The following AGBL1 variants were observed in gnomAD, a reference collection of about 807,000 sequenced individuals.
AGBL1 encodes the protein cytosolic carboxypeptidase 4.
In AGBL1, 130 loss-of-function variants were observed where a neutral mutation model predicts 118.9. The observed-to-expected ratio is 1.09, with a 90% confidence interval of 0.95 to 1.26. The LOEUF (loss-of-function observed/expected upper bound fraction) is 1.26. Ranked by LOEUF, AGBL1 falls within the 50% of genes most tolerant of loss-of-function variation. The probability of loss-of-function intolerance (pLI) is 0.00; values close to 1 mark genes in which losing one functional copy is unlikely to be tolerated. For missense variants in AGBL1, 1,584 were observed against 1,298.1 expected, an observed-to-expected ratio of 1.22 and a Z score of -3.38; for synonymous variants, 555 against 478.9, an observed-to-expected ratio of 1.16 and a Z score of -2.08.
intron 24 of AGBL1, among the ~76,000 whole-genome samples, chr15:86,988,677 A>G (rs917824908): frequency 2.0e-5 from 3 of 152,216 alleles, no homozygotes; most frequent in African/African-American, 7.2e-5. Flanking sequence ...TGGCAATGCA[A>G]ATAGTATGTT....
At chr15:86,802,576 T>C (rs944245391) in intron 22 of AGBL1, among the ~76,000 whole-genome samples, 8 of 152,180 alleles carry the variant, frequency 5.3e-5, no homozygotes, top group African/African-American at 9.7e-5. Context: ...GTAGTAAATA[T>C]GTTAACACGT....
At chr15:86,929,345 T>C (rs1012565879) in intron 23 of AGBL1, among the ~76,000 whole-genome samples, 1 of 152,192 alleles carries the variant, frequency 6.6e-6, no homozygotes, top group African/African-American at 2.4e-5. Context: ...ACTATCAACA[T>C]GATTATCAAG....
At chr15:86,163,962 AGCTCTATT>A (rs2077302431) in intron 5 of AGBL1, among the ~76,000 whole-genome samples, 1 of 152,178 alleles carries the variant, frequency 6.6e-6, no homozygotes, top group Admixed American at 6.5e-5. Flanking sequence ...ACCTCCCAAG[AGCTCTATT>A]GCATGAGGGA....
intron 7 of AGBL1, among the ~76,000 whole-genome samples, chr15:86,255,783 A>C (rs992051902): frequency 3.9e-5 from 6 of 152,202 alleles, no homozygotes; most frequent in African/African-American, 1.2e-4. Flanking sequence ...CTGTCTAAAA[A>C]AAAAAGAAAG....
chr15:86,107,819 A>C (rs1448076585), intron 1 of AGBL1, among the ~76,000 whole-genome samples: 1 of 152,250 alleles, frequency 6.6e-6, no homozygotes, highest in Non-Finnish European at 1.5e-5. Context: ...AGGGATCTCT[A>C]GGAACAGACT....
chr15:86,201,744 T>C (rs1555447263), intron 5 of AGBL1, among the ~76,000 whole-genome samples: 1 of 152,180 alleles, frequency 6.6e-6, no homozygotes, highest in Admixed American at 6.5e-5. Flanking sequence ...CCCTTGGGAA[T>C]CTAGGGCATC....
chr15:86,761,408 T>A (rs2078022148), intron 22 of AGBL1, among the ~76,000 whole-genome samples: 1 of 152,066 alleles, frequency 6.6e-6, no homozygotes. Context: ...CAGATCTAAG[T>A]TCTGTAGGTC....
chr15:86,176,414 G>A (rs756143906), intron 5 of AGBL1, among the ~76,000 whole-genome samples: 2 of 152,218 alleles, frequency 1.3e-5, no homozygotes, highest in African/African-American at 2.4e-5. Context: ...GGGATGCAAG[G>A]TTGCTGTCAG....
chr15:86,276,928 T>C (rs2079261780), intron 15 of AGBL1, among the ~76,000 whole-genome samples: 1 of 152,126 alleles, frequency 6.6e-6, no homozygotes, highest in Admixed American at 6.6e-5. Context: ...ACATTTGGCT[T>C]TGAAGGTCCT....
chr15:86,433,993 G>A (rs2081971099), intron 18 of AGBL1, among the ~76,000 whole-genome samples: 1 of 152,224 alleles, frequency 6.6e-6, no homozygotes. Flanking sequence ...TGGAGCACCT[G>A]TAATTGATCC....
intron 21 of AGBL1, among the ~76,000 whole-genome samples, chr15:86,578,212 T>G (rs2142325950): frequency 6.6e-6 from 1 of 152,324 alleles, no homozygotes; most frequent in East Asian, 1.9e-4. Flanking sequence ...CAGCATGATG[T>G]GGATGTGAGA....
intron 4 of AGBL1, among the ~76,000 whole-genome samples, chr15:86,158,034 A>G (rs891669145): frequency 2.0e-5 from 3 of 152,150 alleles, no homozygotes; most frequent in Admixed American, 1.3e-4. Flanking sequence ...TGTTTTCCCA[A>G]TTCGGAAGTA....
intron 21 of AGBL1, among the ~76,000 whole-genome samples, chr15:86,662,124 C>T: frequency 6.6e-6 from 1 of 152,246 alleles, no homozygotes; most frequent in Middle Eastern, 3.4e-3. Flanking sequence ...AAGATTTCAG[C>T]TGGAAAAAGA....
chr15:86,113,261 C>CTTTT (rs1268457529), intron 1 of AGBL1, among the ~76,000 whole-genome samples: 2 of 59,224 alleles, frequency 3.4e-5, no homozygotes, highest in African/African-American at 5.9e-5. Context: ...TCTTTTCTTT[C>CTTTT]TTTCTTTCTT....
chr15:86,875,089 A>T (rs368611468), intron 22 of AGBL1, among the ~76,000 whole-genome samples: 1 of 152,212 alleles, frequency 6.6e-6, no homozygotes, highest in Non-Finnish European at 1.5e-5. Flanking sequence ...AGAAAAAAAT[A>T]TAACTTGTTT....
intron 18 of AGBL1, among the ~76,000 whole-genome samples, chr15:86,468,520 C>A (rs890490275): frequency 1.3e-5 from 2 of 152,150 alleles, no homozygotes; most frequent in East Asian, 3.9e-4. Flanking sequence ...TTGGAAACAC[C>A]TGTTATGGAC....
rs115680549 is a variant in AGBL1 at position 86,135,904 on chromosome 15, G to A, written c.52-6100G>A. On this transcript the variant is annotated intron_variant, in intron 1 of 22. Coordinates refer to ENST00000614907, the MANE Select transcript of AGBL1 (RefSeq NM_001386094.1). Reference sequence around the variant, plus strand: ...AAAAGAAGCCTTGCAACTTTCACCCGGTTCATGTGGAATACTTGATCTGGG... The same window carrying A: ...AAAAGAAGCCTTGCAACTTTCACCCAGTTCATGTGGAATACTTGATCTGGG... 4.4e-3 allele frequency among the ~76,000 whole-genome samples: 667 copies of A among 152,274 alleles called. 2 individuals are homozygous for A. The highest frequency in any genetic ancestry group is 0.015 in the African/African-American group (624 of 41,560).
At chr15:86,109,225 G>A (rs1214625146) in intron 1 of AGBL1, among the ~76,000 whole-genome samples, 1 of 150,292 alleles carries the variant, frequency 6.7e-6, no homozygotes, top group Non-Finnish European at 1.5e-5. Context: ...GTTCTGGGGG[G>A]CCTGAAGCTT....
intron 16 of AGBL1, among the ~76,000 whole-genome samples, chr15:86,286,735 G>GCATATATATATATATATATATATATA (rs2079456307): frequency 9.4e-6 from 1 of 106,250 alleles, no homozygotes; most frequent in African/African-American, 3.9e-5. Context: ...GTTTGTGTGT[G>GCATATATATATATATATATATATATA]TATATATATA....
Sources: allele counts gnomAD v4.1 joint callset (sites outside exome capture counted in the v4.1 genomes callset), GRCh38; gene constraint gnomAD v4.1.1; transcripts MANE v1.5; gene names NCBI Gene and HGNC (gene_info 2026-07-23, HGNC 2026-07-21).